The following SH3PXD2A variants were observed in gnomAD, a reference collection of about 807,000 sequenced individuals.
The protein encoded by SH3PXD2A is SH3 and PX domains 2A.
A neutral mutation model predicts 115.2 loss-of-function variants in SH3PXD2A; 32 were observed. The observed-to-expected ratio is 0.28, with a 90% confidence interval of 0.21 to 0.37. SH3PXD2A has a LOEUF of 0.37. Among genes scored for constraint, SH3PXD2A ranks in the 10% least tolerant of loss-of-function variants. The pLI is 1.00. For missense variants in SH3PXD2A, 1,328 were observed against 1,498.7 expected, an observed-to-expected ratio of 0.89 and a Z score of 1.88; for synonymous variants, 610 against 629.1, an observed-to-expected ratio of 0.97 and a Z score of 0.45.
At chr10:103,617,077 G>C in intron 11 of SH3PXD2A, 120 bp downstream of exon 11, 1 of 727,858 alleles carries the variant, frequency 1.4e-6, no homozygotes, top group East Asian at 2.5e-5. Context: ...GCCCAGCCCT[G>C]TGCCGTGGGC....
chr10:103,640,815 G>T (rs570654976), intron 8 of SH3PXD2A, among the ~76,000 whole-genome samples: 9 of 152,248 alleles, frequency 5.9e-5, no homozygotes, highest in African/African-American at 1.9e-4. Flanking sequence ...GGAAGAAAGG[G>T]GGCCTGGCAG....
chr10:103,660,710 G>C (rs2037282784), intron 8 of SH3PXD2A, among the ~76,000 whole-genome samples: 1 of 152,224 alleles, frequency 6.6e-6, no homozygotes, highest in Admixed American at 6.5e-5. Context: ...ACCCCAGCAG[G>C]GCTGGCCATT....
chr10:103,801,009 CCA>C (rs1564892310), intron 2 of SH3PXD2A, among the ~76,000 whole-genome samples: 1 of 152,214 alleles, frequency 6.6e-6, no homozygotes, highest in Non-Finnish European at 1.5e-5. Context: ...CGCCTCTTCA[CCA>C]CAGTTTCCTA....
intron 9 of SH3PXD2A, among the ~76,000 whole-genome samples, chr10:103,624,971 G>A (rs940893126): frequency 2.0e-5 from 3 of 152,156 alleles, no homozygotes; most frequent in African/African-American, 7.2e-5. Context: ...AGAGGCGTGC[G>A]CAGGAACCTA....
intron 5 of SH3PXD2A, among the ~76,000 whole-genome samples, chr10:103,720,713 G>A (rs1467958606): frequency 6.6e-6 from 1 of 152,258 alleles, no homozygotes; most frequent in African/African-American, 2.4e-5. Flanking sequence ...GAAGGGAGGT[G>A]CACAGTCGCC....
intron 5 of SH3PXD2A, among the ~76,000 whole-genome samples, chr10:103,707,848 T>C (rs2037999688): frequency 6.6e-6 from 1 of 152,130 alleles, no homozygotes; most frequent in African/African-American, 2.4e-5. Context: ...TGTCTCTCTC[T>C]ACCTTCCTAC....
intron 8 of SH3PXD2A, among the ~76,000 whole-genome samples, chr10:103,650,282 C>G (rs1038051131): frequency 6.6e-6 from 1 of 152,188 alleles, no homozygotes; most frequent in Admixed American, 6.5e-5. Context: ...ACCTCAGAGA[C>G]AGCCACCACT....
Position 103,599,555 on chromosome 10 carries a change from ACT to A in SH3PXD2A, c.*2259_*2260del, listed in dbSNP as rs1491481887. 1 of 152,502 alleles carries A rather than the reference ACT, an allele frequency of 6.6e-6. No homozygotes were observed. Among genetic ancestry groups the A allele is most frequent in the South Asian group, 2.1e-4 (1 of 4,832 alleles). The allele number at this position is 152,502 out of a possible 1,614,324, so 9.4% of individuals were successfully genotyped here. On this transcript the variant is annotated 3_prime_UTR_variant, in exon 15 of 15. Transcript: ENST00000369774. Reference sequence around the variant, plus strand: ...ATTTTATTTTAAATAGTCATAAATTACTTTTTTTCTCTTAATAAATATGTGCT... The same window carrying A: ...ATTTTATTTTAAATAGTCATAAATTATTTTTTCTCTTAATAAATATGTGCT...
intron 2 of SH3PXD2A, among the ~76,000 whole-genome samples, chr10:103,783,201 G>A (rs560158758): frequency 1.5e-4 from 23 of 152,366 alleles, no homozygotes; most frequent in African/African-American, 5.5e-4. Context: ...CAGGCAAGGA[G>A]TTTGGAGTTC....
intron 2 of SH3PXD2A, among the ~76,000 whole-genome samples, chr10:103,768,971 T>A (rs1362472574): frequency 1.3e-5 from 2 of 151,944 alleles, no homozygotes; most frequent in Non-Finnish European, 2.9e-5. Flanking sequence ...AACAACTGGC[T>A]CTCACTCATT....
chr10:103,716,525 T>C (rs1272432675), intron 5 of SH3PXD2A, among the ~76,000 whole-genome samples: 1 of 152,202 alleles, frequency 6.6e-6, no homozygotes, highest in Non-Finnish European at 1.5e-5. Context: ...ACCAGGATCA[T>C]GGCTGGCTTC....
intron 12 of SH3PXD2A, among the ~76,000 whole-genome samples, chr10:103,612,058 G>T (rs2036436888): frequency 6.6e-6 from 1 of 152,192 alleles, no homozygotes; most frequent in Non-Finnish European, 1.5e-5. Context: ...TTCCCTAAAA[G>T]ATTTCAGGCA....
At chr10:103,651,628 T>C (rs997445423) in intron 8 of SH3PXD2A, among the ~76,000 whole-genome samples, 2 of 152,238 alleles carry the variant, frequency 1.3e-5, no homozygotes, top group African/African-American at 4.8e-5. Context: ...GGGCTTCAAC[T>C]TCCTCCTTGG....
At chr10:103,754,029 G>C (rs946739414) in intron 3 of SH3PXD2A, 4 of 152,068 alleles carry the variant, frequency 2.6e-5, no homozygotes, top group Admixed American at 2.6e-4. Context: ...AAGAGGCCAG[G>C]AGTAAAAACT....
At chr10:103,852,758 C>T (rs1842908168) in intron 1 of SH3PXD2A, among the ~76,000 whole-genome samples, 1 of 152,228 alleles carries the variant, frequency 6.6e-6, no homozygotes, top group Non-Finnish European at 1.5e-5. Flanking sequence ...TTCTTTCCCC[C>T]TTTCAATTAT....
chr10:103,733,927 CT>C (rs11302434), intron 4 of SH3PXD2A, among the ~76,000 whole-genome samples: 48,461 of 150,110 alleles, frequency 0.32, 9,286 homozygotes, highest in African/African-American at 0.54. Flanking sequence ...TAATTTTAAA[CT>C]TTTTTTTTTG....
chr10:103,637,188 G>A (rs574740572), intron 8 of SH3PXD2A, among the ~76,000 whole-genome samples: 26 of 152,272 alleles, frequency 1.7e-4, no homozygotes, highest in Non-Finnish European at 3.5e-4. Flanking sequence ...TTCGATTGCC[G>A]CCTGTGCCCT....
At chr10:103,799,275 C>T (rs891545263) in intron 2 of SH3PXD2A, among the ~76,000 whole-genome samples, 2 of 152,226 alleles carry the variant, frequency 1.3e-5, no homozygotes, top group Admixed American at 6.5e-5. Context: ...CCAAAATCAG[C>T]GACCTGATAA....
At chr10:103,674,648 C>T (rs1169293380) in intron 6 of SH3PXD2A, among the ~76,000 whole-genome samples, 2 of 152,020 alleles carry the variant, frequency 1.3e-5, no homozygotes, top group African/African-American at 2.4e-5. Flanking sequence ...GGTGAAACCC[C>T]GTCTCTACTA....
Sources: gnomAD v4.1 joint callset for allele counts (sites outside exome capture counted in the v4.1 genomes callset) on GRCh38, gnomAD v4.1.1 for gene constraint, MANE v1.5 for transcripts, NCBI Gene and HGNC (gene_info 2026-07-23, HGNC 2026-07-21) for gene names.